The following PGM3 variants were observed in gnomAD, a reference collection of about 807,000 sequenced individuals.
PGM3 encodes the protein phosphoglucomutase 3, also known as phosphoacetylglucosamine mutase.
Under a neutral mutation model 66.2 loss-of-function variants are expected in PGM3, and 40 were observed. That is an observed-to-expected ratio of 0.60 (90% CI 0.47 to 0.79). The LOEUF is 0.79. Ranked by LOEUF, PGM3 falls within the 30% of genes least tolerant of loss-of-function variation. PGM3 has a pLI of 0.00. For missense variants in PGM3, 537 were observed against 643.4 expected (o/e 0.83, Z 1.79); for synonymous variants, 191 against 224.2 (o/e 0.85, Z 1.32).
chr6:83,189,311 G>C (rs146875417), intron 2 of PGM3, among the ~76,000 whole-genome samples: 1 of 152,298 alleles, frequency 6.6e-6, no homozygotes, highest in Non-Finnish European at 1.5e-5. Context: ...GGGTAGGACA[G>C]ACACTGAAAA....
chr6:83,152,418 T>A, the PGM3 span: 1 of 850,830 alleles, frequency 1.2e-6, no homozygotes, highest in Non-Finnish European at 1.7e-6. Flanking sequence ...GTTTCATTAT[T>A]AAAAATTAGC....
chr6:83,153,299 C>A, the PGM3 span: 1 of 336,092 alleles, frequency 3.0e-6, no homozygotes, highest in Non-Finnish European at 5.3e-6. Flanking sequence ...TTGGAAATGG[C>A]AAGATTTGCC....
At chr6:83,180,871 T>C (rs940039059) in intron 6 of PGM3, among the ~76,000 whole-genome samples, 11 of 152,348 alleles carry the variant, frequency 7.2e-5, no homozygotes, top group African/African-American at 2.4e-4. Context: ...ATGAAGTCTG[T>C]AGAGTTCCAG....
rs759187140 is a variant in PGM3 at position 83,174,414 on chromosome 6, GCTTTT to G, written c.1197_1201del (p.Arg399SerfsTer3). 31 of 1,607,298 alleles carry G rather than the reference GCTTTT, an allele frequency of 1.9e-5. No homozygotes were observed. Among genetic ancestry groups the G allele is most frequent in the Non-Finnish European group, 2.6e-5 (31 of 1,175,428 alleles). On this transcript the variant is annotated frameshift_variant, in exon 10 of 13. Coordinates refer to ENST00000513973, the MANE Select transcript of PGM3 (RefSeq NM_015599.3). LOFTEE classifies it high-confidence loss of function. ...AATAATGTTTTCAAGCATCTTAGCA[GCTTTT>G]CTTTTCTTATCTTCCAGTTGTTCTG...
chr6:83,168,728 C>CT lies in PGM3; in HGVS notation c.*505dup, dbSNP rs1786426205. 5.0e-6 allele frequency: 5 copies of CT among 997,604 alleles called. No homozygotes were observed. The highest frequency in any genetic ancestry group is 6.0e-6 in the Non-Finnish European group (5 of 836,750). 61.8% of individuals were successfully genotyped at this position (997,604 alleles called of 1,614,324 possible). ...GATGGACAACCCCCTATTCATACCTCTGAGTTCCTGATGGCATTAGTCATA... is the reference window on the plus strand; with the variant it reads ...GATGGACAACCCCCTATTCATACCTCTTGAGTTCCTGATGGCATTAGTCATA... On this transcript the variant is annotated 3_prime_UTR_variant, in exon 13 of 13. Coordinates refer to ENST00000513973, the MANE Select transcript of PGM3 (RefSeq NM_015599.3).
chr6:83,156,103 G>A, the PGM3 span: 2 of 1,600,604 alleles, frequency 1.2e-6, no homozygotes, highest in Admixed American at 3.5e-5. Context: ...AGATATACAA[G>A]GTAAAAAATG....
At chr6:83,191,146 G>A (rs749407318) in intron 1 of PGM3, 132 bp from the exon 2 acceptor site, 2 of 1,483,126 alleles carry the variant, frequency 1.3e-6, no homozygotes, top group Non-Finnish European at 1.8e-6. Flanking sequence ...ATGTTTGACA[G>A]AGCAATGGGC....
intron 10 of PGM3, among the ~76,000 whole-genome samples, 191 bp from the exon 11 acceptor site, chr6:83,172,250 A>G (rs1787280846): frequency 6.6e-6 from 1 of 152,182 alleles, no homozygotes; most frequent in African/African-American, 2.4e-5. Context: ...GTGGGTATAC[A>G]ACTGCCAGGT....
At chr6:83,158,403 T>C (rs1783355047), downstream of PGM3, among the ~76,000 whole-genome samples, 1 of 152,020 alleles carries the variant, frequency 6.6e-6, no homozygotes, top group Admixed American at 6.5e-5. Context: ...AGGCTCTGTG[T>C]GGCTAAATTT....
chr6:83,163,063 TC>T, downstream of PGM3: 1 of 799,382 alleles, frequency 1.3e-6, no homozygotes, highest in Non-Finnish European at 1.9e-6. Context: ...AGAGTTAATG[TC>T]CATAAGCCTC....
intron 10 of PGM3, 29 bp downstream of exon 10, chr6:83,174,345 C>A (rs752790692): frequency 8.8e-7 from 1 of 1,135,232 alleles, no homozygotes; most frequent in Non-Finnish European, 1.3e-6. Context: ...TAAAGGTAAC[C>A]AAGAGTCCAC....
rs969999317 is a variant in PGM3, at chr6:83,190,790, A to C, written c.204+19T>G. 5 of 1,577,648 alleles carry C rather than the reference A, an allele frequency of 3.2e-6. No homozygotes were observed. The African/African-American group carries it at 6.7e-5, about 21-fold the overall frequency. On this transcript the variant is annotated intron_variant, in intron 2 of 12. Coordinates refer to ENST00000513973, the MANE Select transcript of PGM3 (RefSeq NM_015599.3). ...CTTGTAAATAATGGTCTGCTTTATCAGGGCACTAAACCCATTACCTCAGGA... is the reference window on the plus strand; with the variant it reads ...CTTGTAAATAATGGTCTGCTTTATCCGGGCACTAAACCCATTACCTCAGGA...
the PGM3 span, chr6:83,153,968 G>A: frequency 6.2e-7 from 1 of 1,614,040 alleles, no homozygotes. Flanking sequence ...TACACACGGA[G>A]AGCTTGGAAA....
At chr6:83,157,756 T>G (rs2128386155), downstream of PGM3, among the ~76,000 whole-genome samples, 1 of 152,248 alleles carries the variant, frequency 6.6e-6, no homozygotes, top group Admixed American at 6.5e-5. Flanking sequence ...CCATTTAAAC[T>G]TGCTTCAGAG....
At chr6:83,157,058 G>T (rs1583165344), downstream of PGM3, 3 of 877,580 alleles carry the variant, frequency 3.4e-6, no homozygotes, top group East Asian at 8.4e-5. Flanking sequence ...ATCTACAACA[G>T]TTTTGAATTT....
chr6:83,188,513 T>G lies in PGM3; in HGVS notation c.389+101A>C, dbSNP rs1788774048. 12 of 931,576 alleles carry G rather than the reference T, an allele frequency of 1.3e-5. No homozygotes were observed. In the Admixed American group the frequency reaches 2.4e-4, roughly 19 times the overall value. The allele number at this position is 931,576 out of a possible 1,614,324, so 57.7% of individuals were successfully genotyped here. On this transcript the variant is annotated intron_variant, in intron 3 of 12. Coordinates refer to ENST00000513973, the MANE Select transcript of PGM3 (RefSeq NM_015599.3). ...AGGTAGACATGCAACTCAGGGTAGT[T>G]CCACTTTACTTCTTTCCATTTGTCT...
rs1251388484 is a variant in PGM3 at position 83,171,917 on chromosome 6, C to T, written c.1365+20G>A. On this transcript the variant is annotated intron_variant, in intron 11 of 12. Transcript: ENST00000513973. ...ACTTAGCTAATATTCAAAAAAGTTA[C>T]TTTAAAGTTTCTCTCACACCTGAAC... 6.3e-7 allele frequency: 1 copy of T among 1,597,242 alleles called. No individual in the cohort carries two copies. Among genetic ancestry groups the T allele is most frequent in the Non-Finnish European group, 8.6e-7 (1 of 1,167,568 alleles).
chr6:83,155,310 A>T, the PGM3 span, among the ~76,000 whole-genome samples: 934 of 152,146 alleles, frequency 6.1e-3, 10 homozygotes, highest in African/African-American at 0.021. Context: ...AAAAAAAAAA[A>T]AAAAATTAAA....
chr6:83,153,945 T>C, the PGM3 span: 8 of 1,614,086 alleles, frequency 5.0e-6, no homozygotes, highest in African/African-American at 9.3e-5. Flanking sequence ...TCAGCAGTCT[T>C]AGTGGGTATC....
Sources: allele counts gnomAD v4.1 joint callset (sites outside exome capture counted in the v4.1 genomes callset), GRCh38; gene constraint gnomAD v4.1.1; transcripts MANE v1.5; gene names NCBI Gene and HGNC (gene_info 2026-07-23, HGNC 2026-07-21).